ERCC1: variants seen among roughly 807,000 people sequenced by gnomAD.
The protein encoded by ERCC1 is ERCC excision repair 1, endonuclease non-catalytic subunit.
A neutral mutation model predicts 37.6 loss-of-function variants in ERCC1; 36 were observed. The ratio of observed to expected loss-of-function variants is 0.96; its 90% CI spans 0.73 to 1.26. ERCC1 has a LOEUF of 1.26. ERCC1 is among the 50% of genes most tolerant of loss of function. The pLI is 0.00. For synonymous variants in ERCC1, 156 were observed against 162.1 expected (o/e 0.96, Z 0.28); for missense variants, 349 against 376.5 (o/e 0.93, Z 0.60).
At chr19:45,422,261 G>A (rs996691590) in intron 2 of ERCC1, among the ~76,000 whole-genome samples, 17 of 151,976 alleles carry the variant, frequency 1.1e-4, no homozygotes, top group African/African-American at 4.1e-4. Context: ...CCTTGCCTCA[G>A]AAACTACACC....
intron 1 of ERCC1, among the ~76,000 whole-genome samples, chr19:45,449,837 G>A (rs1967059308): frequency 6.6e-6 from 1 of 152,012 alleles, no homozygotes; most frequent in Non-Finnish European, 1.5e-5. Context: ...GGTGGCGGGT[G>A]CCTGTAATCC....
chr19:45,449,406 GCA>G (rs1037879199), intron 1 of ERCC1, among the ~76,000 whole-genome samples: 4 of 152,296 alleles, frequency 2.6e-5, no homozygotes, highest in African/African-American at 9.6e-5. Flanking sequence ...TGCAACCCCA[GCA>G]CTTTGGGAGG....
chr19:45,434,325 A>C (rs998486998), intron 1 of ERCC1, among the ~76,000 whole-genome samples: 6 of 113,128 alleles, frequency 5.3e-5, no homozygotes, highest in African/African-American at 2.5e-4. Flanking sequence ...TCTCCAAAAA[A>C]TACAAAAAAA....
At position 45,437,142 on chromosome 19, in the gene ERCC1, AG is replaced by A. The variant is rs111260143; in HGVS notation, c.-7-13762del. ...CACACGCCCGTAATCCCAGCTACTCAGGAGGCTGAGGGAGGAGAATCGCTTG... is the reference window on the plus strand; with the variant it reads ...CACACGCCCGTAATCCCAGCTACTCAGAGGCTGAGGGAGGAGAATCGCTTG... On this transcript the variant is annotated intron_variant, in intron 1 of 8. Transcript: ENST00000423698. Among the ~76,000 whole-genome samples the A allele has an allele frequency of 3.0e-3, 461 of 151,856 alleles. 2 individuals carry two copies. The highest frequency in any genetic ancestry group is 0.011 in the African/African-American group (435 of 41,402).
At chr19:45,426,559 A>G (rs1974697862), upstream of ERCC1, among the ~76,000 whole-genome samples, 1 of 151,340 alleles carries the variant, frequency 6.6e-6, no homozygotes, top group Admixed American at 6.6e-5. Context: ...CTCAAAAAAA[A>G]AAAAAAAATT....
At chr19:45,435,647 G>T (rs10408989) in intron 1 of ERCC1, among the ~76,000 whole-genome samples, 68,441 of 151,762 alleles carry the variant, frequency 0.45, 16,248 homozygotes, top group East Asian at 0.74. Flanking sequence ...TAGAGATGGG[G>T]TCTCGCTATG....
chr19:45,424,084 G>C (rs1974607127), upstream of ERCC1: 2 of 1,039,488 alleles, frequency 1.9e-6, no homozygotes, highest in Non-Finnish European at 2.3e-6. Context: ...GAGCGCTTCT[G>C]TGTGCCCAGA....
In ERCC1 at chr19:45,408,091, C is replaced by G; in HGVS notation, c.*1584G>C. ...AAAAAATCAAAAAACCTTCCCTCTC[C>G]TGTTCCACTTAAGCCTCTGCCCTCC... On this transcript the variant is annotated 3_prime_UTR_variant, in exon 10 of 10. Transcript: ENST00000300853. 6.6e-7 allele frequency: 1 copy of G among 1,511,994 alleles called. No individual in the cohort carries two copies. Among genetic ancestry groups the G allele is most frequent in the South Asian group, 1.2e-5 (1 of 80,140 alleles). 93.7% of individuals were successfully genotyped at this position (1,511,994 alleles called of 1,614,324 possible).
chr19:45,438,387 T>G (rs1480559910), intron 1 of ERCC1, among the ~76,000 whole-genome samples: 1 of 152,186 alleles, frequency 6.6e-6, no homozygotes, highest in Non-Finnish European at 1.5e-5. Flanking sequence ...TGATGTCAAT[T>G]TATTTGCAAT....
chr19:45,443,288 A>G (rs1289959285), intron 1 of ERCC1, among the ~76,000 whole-genome samples: 1 of 152,172 alleles, frequency 6.6e-6, no homozygotes, highest in Non-Finnish European at 1.5e-5. Context: ...CTGTGTCCCC[A>G]TCACCTAAGG....
intron 1 of ERCC1, among the ~76,000 whole-genome samples, chr19:45,431,537 C>T (rs1180110018): frequency 3.3e-5 from 5 of 152,222 alleles, no homozygotes; most frequent in Non-Finnish European, 5.9e-5. Flanking sequence ...ATTAGCTGGG[C>T]GTGGTGGCAC....
upstream of ERCC1, chr19:45,424,011 G>A: frequency 9.5e-7 from 1 of 1,052,302 alleles, no homozygotes; most frequent in Non-Finnish European, 1.1e-6. Context: ...CGGAGGTCGT[G>A]GGAGGAGAGA....
chr19:45,432,160 C>T (rs1974850377), intron 1 of ERCC1, among the ~76,000 whole-genome samples: 2 of 151,742 alleles, frequency 1.3e-5, no homozygotes. Context: ...TTAGTAGTGA[C>T]GGTGTTTCAC....
chr19:45,432,523 C>G lies in ERCC1; in HGVS notation c.-7-9142G>C, dbSNP rs182023409. 9.7e-4 allele frequency among the ~76,000 whole-genome samples: 148 copies of G among 152,144 alleles called. 1 individual carries two copies. Among genetic ancestry groups the G allele is most frequent in the African/African-American group, 3.5e-3 (144 of 41,510 alleles). ...TATTGATAGAAATCATACACATCAA[C>G]AAAAACTCTTTGGGGTCCTCAATAC... On this transcript the variant is annotated intron_variant, in intron 1 of 8. Coordinates refer to the ERCC1 transcript ENST00000423698.
At position 45,409,219 on chromosome 19, in the gene ERCC1, T is replaced by G. The variant is rs372751771; in HGVS notation, c.*456A>C. 2.1e-5 allele frequency: 34 copies of G among 1,611,380 alleles called. No homozygotes were observed. The highest frequency in any genetic ancestry group is 2.9e-5 in the Non-Finnish European group (34 of 1,178,760). On this transcript the variant is annotated 3_prime_UTR_variant, in exon 10 of 10. Transcript: ENST00000300853. Reference sequence around the variant, plus strand: ...CGGATGACCTTGAGCCTCAGGCAGCTCCCACATCCACCAAGAAGAAGAAGA... The same window carrying G: ...CGGATGACCTTGAGCCTCAGGCAGCGCCCACATCCACCAAGAAGAAGAAGA...
At position 45,421,526 on chromosome 19, in the gene ERCC1, G is replaced by A. The variant is rs922946140; in HGVS notation, c.106-133C>T. 23 of 650,288 alleles carry A rather than the reference G, an allele frequency of 3.5e-5. No individual in the cohort carries two copies. In the African/African-American group the frequency reaches 4.2e-4, roughly 12 times the overall value. The allele number at this position is 650,288 out of a possible 1,614,324, so 40.3% of individuals were successfully genotyped here. A position where few individuals can be genotyped will look rare whatever the true frequency, so the allele number is the denominator to read the frequency against. The stretch of plus-strand genomic sequence containing the variant: ...GCTCTGTCACCCAGACTGGAGTGTA[G>A]TGGCACTATCTTGGCTCATTGCAAC... On this transcript the variant is annotated intron_variant, in intron 2 of 9. Coordinates refer to ENST00000300853, the MANE Select transcript of ERCC1 (RefSeq NM_001983.4).
At chr19:45,413,640 T>C (rs2123465855) in intron 9 of ERCC1, 37 bp downstream of exon 9, 1 of 1,614,198 alleles carries the variant, frequency 6.2e-7, no homozygotes, top group African/African-American at 1.3e-5. Context: ...GCTCTCTCCT[T>C]CCCCCAACTC....
intron 1 of ERCC1, among the ~76,000 whole-genome samples, chr19:45,433,613 G>T (rs778484182): frequency 5.3e-5 from 8 of 151,786 alleles, no homozygotes; most frequent in Non-Finnish European, 1.0e-4. Context: ...GCTTGAACCC[G>T]GGAGACAGAG....
At chr19:45,423,438 C>T (rs1307678808) in intron 1 of ERCC1, 57 bp from the exon 2 acceptor site, 27 of 1,548,084 alleles carry the variant, frequency 1.7e-5, no homozygotes, top group Non-Finnish European at 2.3e-5. Flanking sequence ...TCTCATCCCG[C>T]AGCAGGAACC....
Sources: allele counts gnomAD v4.1 joint callset (sites outside exome capture counted in the v4.1 genomes callset), GRCh38; gene constraint gnomAD v4.1.1; transcripts MANE v1.5; gene names NCBI Gene and HGNC (gene_info 2026-07-23, HGNC 2026-07-21).